Variants in PPIP5K2 observed in about 807,000 individuals in gnomAD.
PPIP5K2 encodes inositol hexakisphosphate and diphosphoinositol-pentakisphosphate kinase 2.
A neutral mutation model predicts 154.6 loss-of-function variants in PPIP5K2; 105 were observed. That is an observed-to-expected ratio of 0.68 (90% CI 0.58 to 0.80). PPIP5K2 has a LOEUF of 0.80. Among genes scored for constraint, PPIP5K2 ranks in the 30% least tolerant of loss-of-function variants. The probability of loss-of-function intolerance (pLI) is 0.00; values close to 1 mark genes in which losing one functional copy is unlikely to be tolerated. For missense variants in PPIP5K2, 992 were observed against 1,504.6 expected, an observed-to-expected ratio of 0.66 and a Z score of 5.64; for synonymous variants, 480 against 490.3, an observed-to-expected ratio of 0.98 and a Z score of 0.28.
chr5:103,147,109 G>C (rs1793875977), intron 6 of PPIP5K2, among the ~76,000 whole-genome samples: 1 of 151,870 alleles, frequency 6.6e-6, no homozygotes, highest in African/African-American at 2.4e-5. Flanking sequence ...TTACTTTTTG[G>C]ATTGACAAAG....
At chr5:103,142,095 T>C (rs1394756535) in intron 5 of PPIP5K2, among the ~76,000 whole-genome samples, 2 of 152,264 alleles carry the variant, frequency 1.3e-5, no homozygotes, top group Middle Eastern at 6.8e-3. Context: ...GTGGTGCTCG[T>C]TGGGGAGGCT....
At chr5:103,199,615 G>T (rs771967224) in intron 30 of PPIP5K2, among the ~76,000 whole-genome samples, 1 of 150,990 alleles carries the variant, frequency 6.6e-6, no homozygotes, top group Non-Finnish European at 1.5e-5. Context: ...GCATATTTAT[G>T]TCTATTTTTT....
chr5:103,171,598 TGAA>T (rs879958855), intron 19 of PPIP5K2, among the ~76,000 whole-genome samples: 3 of 151,602 alleles, frequency 2.0e-5, no homozygotes, highest in Non-Finnish European at 3.0e-5. Context: ...GTCACTGTTT[TGAA>T]GAGAGAAATT....
intron 30 of PPIP5K2, 129 bp downstream of exon 30, chr5:103,195,154 G>A (rs749920698): frequency 9.5e-5 from 109 of 1,150,498 alleles, no homozygotes; most frequent in Non-Finnish European, 9.7e-5. Context: ...GATCCTAAGG[G>A]TTAAAAATCG....
chr5:103,168,675 T>C (rs1487999802), intron 19 of PPIP5K2, among the ~76,000 whole-genome samples: 2 of 151,854 alleles, frequency 1.3e-5, no homozygotes, highest in Non-Finnish European at 2.9e-5. Flanking sequence ...GAACCTACAT[T>C]GACACATCAC....
intron 3 of PPIP5K2, among the ~76,000 whole-genome samples, chr5:103,135,812 T>C (rs1791387506): frequency 6.6e-6 from 1 of 152,164 alleles, no homozygotes; most frequent in Non-Finnish European, 1.5e-5. Context: ...CTATATCTAC[T>C]ATTTGATTTG....
At chr5:103,141,738 T>C (rs1400695060) in intron 5 of PPIP5K2, among the ~76,000 whole-genome samples, 1 of 151,582 alleles carries the variant, frequency 6.6e-6, no homozygotes, top group African/African-American at 2.4e-5. Flanking sequence ...TGCTGATTGG[T>C]GTGTTTACAA....
intron 17 of PPIP5K2, among the ~76,000 whole-genome samples, chr5:103,166,874 G>A (rs1350738524): frequency 6.6e-6 from 1 of 151,886 alleles, no homozygotes; most frequent in Non-Finnish European, 1.5e-5. Flanking sequence ...CATTGAGTAG[G>A]CTGAAAAGAA....
At chr5:103,150,530 T>C (rs1200868786) in intron 8 of PPIP5K2, among the ~76,000 whole-genome samples, 1 of 152,140 alleles carries the variant, frequency 6.6e-6, no homozygotes, top group African/African-American at 2.4e-5. Flanking sequence ...CCCAGCACTT[T>C]GGGGGTGCTG....
At chr5:103,186,542 G>A in intron 27 of PPIP5K2, 103 bp downstream of exon 27, 7 of 1,500,800 alleles carry the variant, frequency 4.7e-6, no homozygotes, top group Non-Finnish European at 6.4e-6. Flanking sequence ...TGATTCGAGT[G>A]AAATCCTGTC....
intron 6 of PPIP5K2, among the ~76,000 whole-genome samples, chr5:103,147,297 A>T (rs1431632177): frequency 1.3e-5 from 2 of 151,974 alleles, no homozygotes; most frequent in Non-Finnish European, 2.9e-5. Context: ...CCATTTTAAC[A>T]TCCATTAAAG....
intron 7 of PPIP5K2, 82 bp from the exon 8 acceptor site, chr5:103,149,070 C>T: frequency 9.3e-7 from 1 of 1,079,920 alleles, no homozygotes; most frequent in Non-Finnish European, 1.2e-6. Context: ...GTAATTTTTT[C>T]ATTGTATTTG....
chr5:103,178,855 C>T lies in PPIP5K2; in HGVS notation c.2754+875C>T, dbSNP rs182557714. ...TACACCATCTTTGTCATATTAATTC[C>T]TAGTTCCTTTATAGTTTTTTATGCT... On this transcript the variant is annotated intron_variant, in intron 23 of 30. Coordinates refer to ENST00000358359, the MANE Select transcript of PPIP5K2 (RefSeq NM_001276277.3). Among the ~76,000 whole-genome samples, 16 of 151,646 alleles carry T rather than the reference C, an allele frequency of 1.1e-4. No individual in the cohort carries two copies. In the East Asian group the frequency reaches 1.9e-3, roughly 18 times the overall value.
chr5:103,180,161 A>C lies in PPIP5K2; in HGVS notation c.2895A>C (p.Pro965=). 1 of 1,594,084 alleles carries C rather than the reference A, an allele frequency of 6.3e-7. No individual in the cohort carries two copies. The highest frequency in any genetic ancestry group is 8.5e-7 in the Non-Finnish European group (1 of 1,172,606). The stretch of plus-strand genomic sequence containing the variant: ...ATATACACAGGAAGTCTCCACTTCC[A>C]AGATCTAGGAAGACGGCTACAAATG... ...PIHIHRKSPL[P]RSRKTATNDE... Residue 965 remains proline (P), a synonymous_variant, in exon 24 of 31, where the codon CCA becomes CCC. Transcript: ENST00000358359.
chr5:103,159,462 T>C, intron 17 of PPIP5K2, 134 bp downstream of exon 17: 3 of 803,178 alleles, frequency 3.7e-6, no homozygotes, highest in South Asian at 3.5e-5. Flanking sequence ...GGTAAAGAAA[T>C]AGAACATTGG....
At chr5:103,141,984 G>A (rs1053061610) in intron 5 of PPIP5K2, among the ~76,000 whole-genome samples, 7 of 152,214 alleles carry the variant, frequency 4.6e-5, no homozygotes, top group Non-Finnish European at 5.9e-5. Flanking sequence ...AGTGGATCCC[G>A]CACCAGGGCT....
At chr5:103,177,472 T>C (rs1562476855) in intron 21 of PPIP5K2, among the ~76,000 whole-genome samples, 195 bp from the exon 22 acceptor site, 1 of 152,048 alleles carries the variant, frequency 6.6e-6, no homozygotes, top group East Asian at 1.9e-4. Flanking sequence ...ATTTTAAAAA[T>C]ATTTTATCAA....
In PPIP5K2 at chr5:103,201,633, G is replaced by C. The variant is rs1554230498; in HGVS notation, c.3731G>C (p.Ter1244SerextTer12). The C allele has an allele frequency of 6.3e-7, 1 of 1,579,576 alleles. No individual in the cohort carries two copies. The highest frequency in any genetic ancestry group is 2.2e-5 in the East Asian group (1 of 44,496). Residue 1244 changes from the stop codon to serine (S), a stop_lost, in exon 31 of 31, where the codon TGA becomes TCA. Transcript: ENST00000358359. Reference protein sequence around the residue: ...EHKKNTGKKK* With the variant: ...EHKKNTGKKKS Reference sequence around the variant, plus strand: ...AAAAAAAACACTGGGAAAAAGAAATGAAATCTTAGCAGAAGCTGGAACTTT... The same window carrying C: ...AAAAAAAACACTGGGAAAAAGAAATCAAATCTTAGCAGAAGCTGGAACTTT...
At chr5:103,167,461 C>CA (rs1417529671) in intron 18 of PPIP5K2, 141 bp downstream of exon 18, 9 of 566,468 alleles carry the variant, frequency 1.6e-5, no homozygotes, top group Admixed American at 1.5e-4. Context: ...GTATATCAAG[C>CA]AAAAAAATAA....
Sources: gnomAD v4.1 joint callset for allele counts (sites outside exome capture counted in the v4.1 genomes callset) on GRCh38, gnomAD v4.1.1 for gene constraint, MANE v1.5 for transcripts, NCBI Gene and HGNC (gene_info 2026-07-23, HGNC 2026-07-21) for gene names.